Variants in EML4 observed in about 807,000 individuals in gnomAD.
The protein encoded by EML4 is EMAP like 4.
EML4 carries 72 observed loss-of-function variants against 129.0 expected under a neutral mutation model. The observed-to-expected ratio is 0.56, with a 90% confidence interval of 0.46 to 0.68. EML4 has a LOEUF of 0.68. Ranked by LOEUF, EML4 falls within the 30% of genes least tolerant of loss-of-function variation. The probability of loss-of-function intolerance (pLI) is 0.00; values close to 1 mark genes in which losing one functional copy is unlikely to be tolerated. For synonymous variants in EML4, 532 were observed against 405.0 expected (o/e 1.31, Z -3.77); for missense variants, 1,363 against 1,190.6 (o/e 1.14, Z -2.13).
At chr2:42,282,370 A>G (rs971630873) in intron 7 of EML4, among the ~76,000 whole-genome samples, 4 of 113,110 alleles carry the variant, frequency 3.5e-5, no homozygotes, top group East Asian at 3.1e-4. Context: ...ATGGCAGGAT[A>G]TGAGTTTTCC....
intron 1 of EML4, among the ~76,000 whole-genome samples, chr2:42,228,617 C>G (rs1048142681): frequency 6.6e-6 from 1 of 152,164 alleles, no homozygotes; most frequent in Non-Finnish European, 1.5e-5. Context: ...AAAAATTTCT[C>G]ATGAGTATTT....
At chr2:42,214,712 C>G (rs59354060) in intron 1 of EML4, among the ~76,000 whole-genome samples, 6,693 of 152,196 alleles carry the variant, frequency 0.044, 482 homozygotes, top group African/African-American at 0.15. Context: ...TTTTGCATGT[C>G]TGGTGCGTTA....
chr2:42,263,273 A>C lies in EML4; in HGVS notation c.608A>C (p.Lys203Thr). 1 of 1,612,602 alleles carries C rather than the reference A, an allele frequency of 6.2e-7. No homozygotes were observed. Among genetic ancestry groups the C allele is most frequent in the African/African-American group, 1.3e-5 (1 of 74,956 alleles). The change falls in exon 5 of 23, where the codon AAA (lysine) becomes ACA (threonine). Residue 203 changes from lysine to threonine, a missense_variant. Physicochemically the swap from Lys to Thr is moderately conservative, Grantham distance 78 (BLOSUM62 -1). Coordinates refer to ENST00000318522, the MANE Select transcript of EML4 (RefSeq NM_019063.5). ...NKLSKIPSTP[K>T]LIPKVTKTAD... ...TTGTCGAAAATACCTTCAACACCCAAATTAATACCAAAAGTTACCAAAACT... is the reference window on the plus strand; with the variant it reads ...TTGTCGAAAATACCTTCAACACCCACATTAATACCAAAAGTTACCAAAACT...
At chr2:42,326,078 G>C in intron 20 of EML4, 76 bp from the exon 21 acceptor site, 4 of 1,571,800 alleles carry the variant, frequency 2.5e-6, no homozygotes, top group Non-Finnish European at 2.6e-6. Context: ...AACGTGGCTA[G>C]TTTGAATCAA....
chr2:42,275,708 C>T (rs1262982655), intron 6 of EML4, among the ~76,000 whole-genome samples: 2 of 152,154 alleles, frequency 1.3e-5, no homozygotes, highest in African/African-American at 4.8e-5. Context: ...TATCACAAAG[C>T]TTGTCTTCTC....
Position 42,198,265 on chromosome 2 carries a change from G to T in EML4, c.25+28629G>T, listed in dbSNP as rs564188148. Among the ~76,000 whole-genome samples, 14 of 152,128 alleles carry T rather than the reference G, an allele frequency of 9.2e-5. No individual in the cohort carries two copies. The South Asian group carries it at 2.7e-3, about 29-fold the overall frequency. The stretch of plus-strand genomic sequence containing the variant: ...AGAGATGTGAATATATATTTATCCT[G>T]AGGGAAAATGACCAGTGGATAGATC... On this transcript the variant is annotated intron_variant, in intron 1 of 22. Transcript: ENST00000318522.
At chr2:42,316,777 A>G (rs564007171) in intron 18 of EML4, among the ~76,000 whole-genome samples, 1 of 152,328 alleles carries the variant, frequency 6.6e-6, no homozygotes, top group South Asian at 2.1e-4. Flanking sequence ...AGTTGTTTCA[A>G]AGGAAGCACA....
intron 13 of EML4, among the ~76,000 whole-genome samples, chr2:42,298,069 G>C (rs1190291294): frequency 2.6e-5 from 4 of 152,160 alleles, no homozygotes; most frequent in Non-Finnish European, 5.9e-5. Context: ...TTTTAAGTGG[G>C]TAAGTGGAAG....
chr2:42,303,422 G>C lies in EML4; in HGVS notation c.1875G>C (p.Arg625Ser). 1 of 1,614,068 alleles carries C rather than the reference G, an allele frequency of 6.2e-7. No individual in the cohort carries two copies. Among genetic ancestry groups the C allele is most frequent in the Non-Finnish European group, 8.5e-7 (1 of 1,179,998 alleles). ...QVCLWNSMEH[R>S]LEWTRLVDEP... ...GCCTGTGGAACTCAATGGAACACAG[G>C]CTGGAATGGACCAGGCTGGTAGATG... is the stretch of plus-strand genomic sequence containing the variant. The change falls in exon 16 of 23, where the codon AGG (arginine) becomes AGC (serine). Residue 625 changes from arginine (R) to serine (S), a missense_variant. Transcript: ENST00000318522.
chr2:42,285,438 C>G (rs558559138), intron 9 of EML4, among the ~76,000 whole-genome samples: 2 of 152,072 alleles, frequency 1.3e-5, no homozygotes, highest in Admixed American at 6.5e-5. Context: ...CTTCTAAGAC[C>G]CCTTCCAGTT....
At chr2:42,241,878 G>GT (rs1189993128) in intron 1 of EML4, among the ~76,000 whole-genome samples, 2 of 150,668 alleles carry the variant, frequency 1.3e-5, no homozygotes, top group Non-Finnish European at 3.0e-5. Context: ...GTGTGTCGGG[G>GT]GGGGGAAGCT....
At chr2:42,258,064 C>G (rs1665454683) in intron 3 of EML4, among the ~76,000 whole-genome samples, 1 of 152,132 alleles carries the variant, frequency 6.6e-6, no homozygotes, top group South Asian at 2.1e-4. Context: ...ATAGCTATTG[C>G]ACTGTTGCTT....
chr2:42,255,562 A>T (rs1676081274), intron 2 of EML4, among the ~76,000 whole-genome samples: 1 of 152,244 alleles, frequency 6.6e-6, no homozygotes, highest in South Asian at 2.1e-4. Context: ...ATATAACAAT[A>T]AGTAACTTGT....
At chr2:42,232,268 C>A (rs1674396174) in intron 1 of EML4, among the ~76,000 whole-genome samples, 1 of 152,122 alleles carries the variant, frequency 6.6e-6, no homozygotes, top group African/African-American at 2.4e-5. Flanking sequence ...GAAAAAAAGC[C>A]CTATATACTT....
intron 11 of EML4, chr2:42,289,319 C>T (rs988624978): frequency 6.6e-6 from 1 of 152,138 alleles, no homozygotes; most frequent in Non-Finnish European, 1.5e-5. Context: ...CTCCTACTGG[C>T]GATTTCTCGA....
chr2:42,330,153 G>A lies in EML4; in HGVS notation c.2892G>A (p.Glu964=), dbSNP rs775806247. The A allele has an allele frequency of 7.4e-6, 12 of 1,612,140 alleles. No individual in the cohort carries two copies. The Admixed American group carries it at 2.0e-4, about 27-fold the overall frequency. Residue 964 remains glutamate, a synonymous_variant, in exon 23 of 23, where the codon GAG becomes GAA. Transcript: ENST00000318522. ...AGCCATGCAACGAGATAAGCAAGGA[G>A]CAGGCCAAAGCCACCCTTCTGGAGG... The part of the protein sequence containing the change: ...YEEPCNEISK[E]QAKATLLEDQ...
chr2:42,184,842 C>A (rs998305234), intron 1 of EML4, among the ~76,000 whole-genome samples: 9 of 152,056 alleles, frequency 5.9e-5, no homozygotes, highest in Non-Finnish European at 8.8e-5. Context: ...CTTGTCTCTT[C>A]AGTTAGGAAA....
intron 13 of EML4, among the ~76,000 whole-genome samples, chr2:42,300,508 T>A (rs965617686): frequency 1.3e-5 from 2 of 152,328 alleles, no homozygotes; most frequent in East Asian, 3.9e-4. Flanking sequence ...TGGGCTGTTA[T>A]TTAGCCATCA....
chr2:42,245,671 A>C lies in EML4; in HGVS notation c.192A>C (p.Lys64Asn), dbSNP rs1675355008. The C allele has an allele frequency of 6.2e-7, 1 of 1,610,142 alleles. No homozygotes were observed. The highest frequency in any genetic ancestry group is 1.7e-5 in the Admixed American group (1 of 59,626). ...AAGATCATGTGGCCTCAGTGAAAAA[A>C]TCAGTCTCAAGTAAAGGTAATTGTG... ...ISEDHVASVKKSVSSKGQPSP... is the reference protein window; with the variant it reads ...ISEDHVASVKNSVSSKGQPSP... Residue 64 changes from lysine (K) to asparagine (N), a missense_variant, in exon 2 of 23, where the codon AAA (lysine) becomes AAC (asparagine). Lys to Asn is a moderately conservative substitution (Grantham distance 94). Transcript: ENST00000318522.
Sources: gnomAD v4.1 joint callset for allele counts (sites outside exome capture counted in the v4.1 genomes callset) on GRCh38, gnomAD v4.1.1 for gene constraint, MANE v1.5 for transcripts, NCBI Gene and HGNC (gene_info 2026-07-23, HGNC 2026-07-21) for gene names.